SLC8A1: variants seen among roughly 807,000 people sequenced by gnomAD.
SLC8A1 encodes the protein sodium/calcium exchanger 1.
In SLC8A1, 18 loss-of-function variants were observed where a neutral mutation model predicts 68.3. That is an observed-to-expected ratio of 0.26 (90% CI 0.18 to 0.39). The LOEUF (loss-of-function observed/expected upper bound fraction) is 0.39. SLC8A1 is among the 10% of genes least tolerant of loss of function. The pLI is 1.00. For missense variants in SLC8A1, 985 were observed against 1,156.7 expected, an observed-to-expected ratio of 0.85 and a Z score of 2.15; for synonymous variants, 475 against 415.5, an observed-to-expected ratio of 1.14 and a Z score of -1.74.
intron 4 of SLC8A1, among the ~76,000 whole-genome samples, chr2:40,166,878 A>G (rs1364087989): frequency 1.3e-5 from 2 of 152,224 alleles, no homozygotes; most frequent in African/African-American, 4.8e-5. Flanking sequence ...TTTTCTCAGA[A>G]GAAGGAATAT....
At chr2:40,196,111 G>T (rs2052962498) in intron 2 of SLC8A1, among the ~76,000 whole-genome samples, 1 of 151,708 alleles carries the variant, frequency 6.6e-6, no homozygotes, top group Non-Finnish European at 1.5e-5. Flanking sequence ...GTGGGGGGAA[G>T]GGTCACAGTT....
At chr2:40,398,018 G>C (rs1468301934) in intron 2 of SLC8A1, among the ~76,000 whole-genome samples, 1 of 152,188 alleles carries the variant, frequency 6.6e-6, no homozygotes, top group East Asian at 1.9e-4. Context: ...AGAATGGGGA[G>C]ACCCTCTGTT....
intron 2 of SLC8A1, among the ~76,000 whole-genome samples, chr2:40,355,508 T>C (rs893118513): frequency 3.3e-5 from 5 of 152,114 alleles, no homozygotes; most frequent in African/African-American, 1.2e-4. Context: ...CCAAGCTAAA[T>C]ATCCTGAGAA....
chr2:40,250,744 C>A (rs2062611620), intron 2 of SLC8A1, among the ~76,000 whole-genome samples: 1 of 152,120 alleles, frequency 6.6e-6, no homozygotes, highest in African/African-American at 2.4e-5. Context: ...GTTAAATGTG[C>A]CTTGTGTTCC....
chr2:40,350,446 G>A (rs138867098), intron 2 of SLC8A1, among the ~76,000 whole-genome samples: 10 of 151,902 alleles, frequency 6.6e-5, no homozygotes, highest in East Asian at 5.8e-4. Context: ...GTGCCACTGC[G>A]GTCCAGCCTG....
intron 2 of SLC8A1, among the ~76,000 whole-genome samples, chr2:40,244,666 CT>C (rs1252482910): frequency 6.7e-6 from 1 of 149,232 alleles, no homozygotes; most frequent in Non-Finnish European, 1.5e-5. Flanking sequence ...AGGCCTTTTC[CT>C]ACTGCTGGAT....
intron 1 of SLC8A1, among the ~76,000 whole-genome samples, chr2:40,466,478 A>G (rs1703682739): frequency 1.3e-5 from 2 of 152,176 alleles, no homozygotes; most frequent in African/African-American, 2.4e-5. Flanking sequence ...GCCTGCCATA[A>G]GTCTGAGGTG....
chr2:40,212,058 C>A (rs1266349187), intron 2 of SLC8A1, among the ~76,000 whole-genome samples: 1 of 151,938 alleles, frequency 6.6e-6, no homozygotes, highest in Admixed American at 6.6e-5. Flanking sequence ...CTCCAATGCA[C>A]TGTATTTGTC....
rs1285243186 is a variant in SLC8A1 at position 40,206,296 on chromosome 2, T to A, written c.1809-28441A>T. 2.0e-5 allele frequency among the ~76,000 whole-genome samples: 3 copies of A among 152,050 alleles called. No individual in the cohort carries two copies. In the South Asian group the frequency reaches 6.2e-4, roughly 31 times the overall value. ...AGGGTACTTTCCTCAACTTCTAGAA[T>A]CAAAAGATGTCACTTCATCATCTTG... On this transcript the variant is annotated intron_variant, in intron 2 of 7. Transcript: ENST00000406785.
chr2:40,175,433 T>C, intron 3 of SLC8A1, 152 bp from the exon 4 acceptor site: 1 of 691,674 alleles, frequency 1.4e-6, no homozygotes, highest in Non-Finnish European at 2.5e-6. Flanking sequence ...AGAAATATAG[T>C]GATGGGAATA....
At chr2:40,355,259 G>T (rs547228091) in intron 2 of SLC8A1, among the ~76,000 whole-genome samples, 1 of 152,132 alleles carries the variant, frequency 6.6e-6, no homozygotes, top group African/African-American at 2.4e-5. Context: ...AGGTGATTCC[G>T]ATGATTTTTT....
chr2:40,432,071 T>C (rs1346038620), intron 1 of SLC8A1, among the ~76,000 whole-genome samples: 5 of 152,122 alleles, frequency 3.3e-5, no homozygotes, highest in Admixed American at 3.3e-4. Context: ...TATGTCTGCT[T>C]GTTCAGTCTT....
Position 40,175,282 on chromosome 2 carries a change from C to G in SLC8A1, c.1913-440G>C, listed in dbSNP as rs1436641953. The G allele has an allele frequency of 6.2e-7, 1 of 1,612,706 alleles. No individual in the cohort carries two copies. The highest frequency in any genetic ancestry group is 8.5e-7 in the Non-Finnish European group (1 of 1,179,256). ...TTACCAAGCTCATTCAATAACAGGG[C>G]TGTGAAGGAAACAGACAAAGACAAA... is the stretch of plus-strand genomic sequence containing the variant. On this transcript the variant is annotated intron_variant, in intron 3 of 7. Coordinates refer to ENST00000406785, the Ensembl canonical transcript of SLC8A1.
chr2:40,201,619 A>G (rs2054373657), intron 2 of SLC8A1, among the ~76,000 whole-genome samples: 1 of 151,972 alleles, frequency 6.6e-6, no homozygotes, highest in African/African-American at 2.4e-5. Flanking sequence ...GTTCTTGACT[A>G]TTCTGGCTTG....
At chr2:40,345,915 T>C (rs1669096157) in intron 2 of SLC8A1, among the ~76,000 whole-genome samples, 1 of 151,680 alleles carries the variant, frequency 6.6e-6, no homozygotes, top group African/African-American at 2.4e-5. Flanking sequence ...AAACCTAAAT[T>C]ACAGGTTGAC....
chr2:40,300,566 AG>A (rs2071269139), intron 2 of SLC8A1, among the ~76,000 whole-genome samples: 1 of 152,178 alleles, frequency 6.6e-6, no homozygotes, highest in Non-Finnish European at 1.5e-5. Context: ...TAGTTTCTTG[AG>A]CCCCACTGTG....
At position 40,264,649 on chromosome 2, in the gene SLC8A1, A is replaced by G. The variant is rs968973847; in HGVS notation, c.1809-86794T>C. ...CTCACTCATAGGTGGGAATTGAACA[A>G]TGAGAACACACGGACACAGGAAGGG... On this transcript the variant is annotated intron_variant, in intron 2 of 7. Coordinates refer to ENST00000406785, the Ensembl canonical transcript of SLC8A1. Among the ~76,000 whole-genome samples the G allele has an allele frequency of 2.6e-4, 39 of 152,194 alleles. 1 individual carries two copies. Among genetic ancestry groups the G allele is most frequent in the Non-Finnish European group, 5.1e-4 (35 of 68,030 alleles).
chr2:40,235,059 TC>T (rs2060184541), intron 2 of SLC8A1, among the ~76,000 whole-genome samples: 1 of 152,130 alleles, frequency 6.6e-6, no homozygotes, highest in Admixed American at 6.5e-5. Context: ...TCTAAAATTC[TC>T]TTTTTTGGTT....
At chr2:40,157,064 T>C (rs868483238) in intron 6 of SLC8A1, among the ~76,000 whole-genome samples, 11 of 152,226 alleles carry the variant, frequency 7.2e-5, no homozygotes, top group African/African-American at 2.2e-4. Context: ...GTATGCATGA[T>C]ACCATGAAAG....
Sources: gnomAD v4.1 joint callset for allele counts (sites outside exome capture counted in the v4.1 genomes callset) on GRCh38, gnomAD v4.1.1 for gene constraint, MANE v1.5 for transcripts, NCBI Gene and HGNC (gene_info 2026-07-23, HGNC 2026-07-21) for gene names.